SEPTIN6: variants seen among roughly 807,000 people sequenced by gnomAD.
SEPTIN6 encodes the protein septin 6.
In SEPTIN6, 8 loss-of-function variants were observed where a neutral mutation model predicts 33.6. The ratio of observed to expected loss-of-function variants is 0.24; its 90% CI spans 0.14 to 0.43. SEPTIN6 has a LOEUF of 0.43. Ranked by LOEUF, SEPTIN6 falls within the 20% of genes least tolerant of loss-of-function variation. SEPTIN6 has a pLI of 1.00. For synonymous variants in SEPTIN6, 131 were observed against 140.0 expected (o/e 0.94, Z 0.45); for missense variants, 250 against 340.8 (o/e 0.73, Z 2.10).
rs1002698073 is a variant in SEPTIN6, at chrX:119,649,879, A to T, written c.690+58T>A. On this transcript the variant is annotated intron_variant, in intron 5 of 10. Coordinates refer to ENST00000394610, the MANE Select transcript of SEPTIN6 (RefSeq NM_145799.4). ...GAGCAAGACCCTGTCTCTAAAGCACATTAAAATAATGATAATCATCATAAA... is the reference window on the plus strand; with the variant it reads ...GAGCAAGACCCTGTCTCTAAAGCACTTTAAAATAATGATAATCATCATAAA... 3.5e-6 allele frequency: 4 copies of T among 1,129,991 alleles called. No homozygotes were observed. The Admixed American group carries it at 8.8e-5, about 25-fold the overall frequency. The allele number at this position is 1,129,991 out of a possible 1,213,427, so 93.1% of individuals were successfully genotyped here.
intron 1 of SEPTIN6, among the ~76,000 whole-genome samples, chrX:119,688,733 G>T (rs1198053689): frequency 5.7e-5 from 6 of 104,537 alleles, no homozygotes; most frequent in African/African-American, 2.1e-4. Flanking sequence ...AAAAGGAAAA[G>T]AAGAAAAGAA....
At chrX:119,651,502 G>A (rs767576507) in intron 4 of SEPTIN6, among the ~76,000 whole-genome samples, 49 of 111,101 alleles carry the variant, frequency 4.4e-4, no homozygotes, top group Admixed American at 1.8e-3. Flanking sequence ...GTGAAACCCC[G>A]TCTCTACTAA....
Position 119,633,384 on chromosome X carries a change from C to T in SEPTIN6, c.1065G>A (p.Ala355=), listed in dbSNP as rs375325267. Residue 355 remains alanine (A), a synonymous_variant, in exon 8 of 11, where the codon GCG becomes GCA. Coordinates refer to ENST00000394610, the MANE Select transcript of SEPTIN6 (RefSeq NM_145799.4). ...MFVQRVKEKE[A]ELKEAEKELH... is the part of the protein sequence containing the mutation. ...CCTCTTTCTCTGCCTCTTTGAGCTCCGCTTCTTTCTCTTTGACTCGCTGGA... is the reference window on the plus strand; with the variant it reads ...CCTCTTTCTCTGCCTCTTTGAGCTCTGCTTCTTTCTCTTTGACTCGCTGGA... The T allele has an allele frequency of 9.5e-5, 115 of 1,208,119 alleles. No homozygotes were observed. The highest frequency in any genetic ancestry group is 1.2e-4 in the Non-Finnish European group (104 of 894,358).
Position 119,617,031 on chromosome X carries a change from A to C in SEPTIN6, c.*3062T>G. 1.1e-6 allele frequency: 1 copy of C among 916,999 alleles called. No homozygotes were observed. Among genetic ancestry groups the C allele is most frequent in the Non-Finnish European group, 1.4e-6 (1 of 735,931 alleles). The allele number at this position is 916,999 out of a possible 1,213,427, so 75.6% of individuals were successfully genotyped here. On this transcript the variant is annotated 3_prime_UTR_variant, in exon 11 of 11. Coordinates refer to ENST00000394610, the MANE Select transcript of SEPTIN6 (RefSeq NM_145799.4). ...ATGATTAAAACAAAAAAACAAAAAC[A>C]AGAGCCATCTACACTGCAGCTAGGG...
At chrX:119,667,950 T>C (rs2054672727) in intron 2 of SEPTIN6, among the ~76,000 whole-genome samples, 1 of 111,815 alleles carries the variant, frequency 8.9e-6, no homozygotes, top group South Asian at 3.7e-4. Flanking sequence ...CTGGAAACAA[T>C]AGTTTTAAAA....
intron 3 of SEPTIN6, among the ~76,000 whole-genome samples, chrX:119,654,390 T>C (rs1266853271): frequency 9.0e-6 from 1 of 111,516 alleles, no homozygotes; most frequent in Admixed American, 9.5e-5. Context: ...TCATCTCCCC[T>C]GTCTGTCTGC....
Position 119,675,651 on chromosome X carries a change from A to G in SEPTIN6, c.48T>C (p.Thr16=), listed in dbSNP as rs998049814. 8.8e-7 allele frequency: 1 copy of G among 1,132,117 alleles called. No homozygotes were observed. The highest frequency in any genetic ancestry group is 1.8e-5 in the African/African-American group (1 of 54,862). 93.3% of individuals were successfully genotyped at this position (1,132,117 alleles called of 1,213,427 possible). Residue 16 remains threonine, a synonymous_variant, in exon 2 of 11, where the codon ACT becomes ACC. Coordinates refer to ENST00000394610, the MANE Select transcript of SEPTIN6 (RefSeq NM_145799.4). ...ACCCCACATGTCCAGCCAGGGGGAC[A>G]GTTCGGCAACCTTCACCCTAATTTG... The part of the protein sequence containing the change: ...IARQVGEGCR[T]VPLAGHVGFD...
In SEPTIN6 at chrX:119,656,366, C is replaced by T. The variant is rs987299768; in HGVS notation, c.342-3326G>A. On this transcript the variant is annotated intron_variant, in intron 3 of 10. Coordinates refer to ENST00000394610, the MANE Select transcript of SEPTIN6 (RefSeq NM_145799.4). The stretch of plus-strand genomic sequence containing the variant: ...TTCTCTAAGGGTGTGACATTTGAGC[C>T]GCAAGGATGAGGATGACAGAGCCAT... Among the ~76,000 whole-genome samples the T allele has an allele frequency of 2.7e-5, 3 of 111,984 alleles. No individual in the cohort carries two copies. In the East Asian group the frequency reaches 8.4e-4, roughly 31 times the overall value.
intron 5 of SEPTIN6, among the ~76,000 whole-genome samples, chrX:119,643,598 G>C (rs11798665): frequency 0.043 from 4,831 of 111,068 alleles, 81 homozygotes; most frequent in South Asian, 0.066. Context: ...TGCAGCTGGC[G>C]TCAGTCTGCT....
rs184055323 is a variant in SEPTIN6 at position 119,680,407 on chromosome X, C to T, written c.31-4739G>A. Among the ~76,000 whole-genome samples the T allele has an allele frequency of 4.0e-4, 43 of 107,481 alleles. No individual in the cohort carries two copies. The East Asian group carries it at 0.012, about 29-fold the overall frequency. 93.3% of individuals were successfully genotyped at this position (107,481 alleles called of 115,157 possible). A position where few individuals can be genotyped will look rare whatever the true frequency, so the allele number is the denominator to read the frequency against. Reference sequence around the variant, plus strand: ...TATTTTTAGTAGAGACGGGGTTTCACCTTGTTGGCCAGGCTGGTCTTGAAC... The same window carrying T: ...TATTTTTAGTAGAGACGGGGTTTCATCTTGTTGGCCAGGCTGGTCTTGAAC... On this transcript the variant is annotated intron_variant, in intron 1 of 10. Coordinates refer to ENST00000394610, the MANE Select transcript of SEPTIN6 (RefSeq NM_145799.4).
At chrX:119,624,930 C>T (rs2053836556) in intron 10 of SEPTIN6, among the ~76,000 whole-genome samples, 1 of 111,191 alleles carries the variant, frequency 9.0e-6, no homozygotes, top group African/African-American at 3.3e-5. Context: ...AGGATGGTCT[C>T]AATCTTCTGA....
intron 1 of SEPTIN6, among the ~76,000 whole-genome samples, chrX:119,690,787 C>G: frequency 9.4e-6 from 1 of 106,592 alleles, no homozygotes; most frequent in Non-Finnish European, 1.9e-5. Flanking sequence ...ATTCTCTAGT[C>G]TTCTGTTCCC....
intron 6 of SEPTIN6, among the ~76,000 whole-genome samples, chrX:119,640,168 C>CTTTTTTTTTTTTTTT (rs57021804): frequency 3.5e-4 from 7 of 20,173 alleles, no homozygotes; most frequent in African/African-American, 4.7e-4. Flanking sequence ...ACTATCCAGT[C>CTTTTTTTTTTTTTTT]TTTTTTTTTT....
At chrX:119,665,292 T>TG (rs1478354422) in intron 2 of SEPTIN6, among the ~76,000 whole-genome samples, 1 of 109,870 alleles carries the variant, frequency 9.1e-6, no homozygotes, top group African/African-American at 3.3e-5. Context: ...TCAGTAGAGA[T>TG]GGGGTTTCAC....
rs188227604 is a variant in SEPTIN6, at chrX:119,647,963, T to A, written c.690+1974A>T. On this transcript the variant is annotated intron_variant, in intron 5 of 10. Transcript: ENST00000394610. ...CCACCGCGCCCGGCCACTAGTTAAT[T>A]TTTTTTAAATTTCAGTAGAGATGAG... Among the ~76,000 whole-genome samples the A allele has an allele frequency of 2.5e-4, 27 of 106,333 alleles. 1 individual carries two copies. The Admixed American group carries it at 2.6e-3, about 10-fold the overall frequency. The allele number at this position is 106,333 out of a possible 115,157, so 92.3% of individuals were successfully genotyped here.
intron 2 of SEPTIN6, among the ~76,000 whole-genome samples, chrX:119,669,451 C>T (rs926983778): frequency 1.8e-5 from 2 of 112,169 alleles, no homozygotes; most frequent in African/African-American, 3.2e-5. Flanking sequence ...CCAGGAACTC[C>T]GGTTGGCTAA....
chrX:119,657,218 C>CAA (rs371794037), intron 3 of SEPTIN6, among the ~76,000 whole-genome samples: 3 of 65,556 alleles, frequency 4.6e-5, no homozygotes, highest in Admixed American at 1.8e-4. Context: ...GATTCCGTCT[C>CAA]AAAAAAAAAA....
chrX:119,618,983 T>C lies in SEPTIN6; in HGVS notation c.*1110A>G, dbSNP rs2053706690. 2.0e-6 allele frequency: 2 copies of C among 977,752 alleles called. No homozygotes were observed. The highest frequency in any genetic ancestry group is 2.6e-6 in the Non-Finnish European group (2 of 774,628). The allele number at this position is 977,752 out of a possible 1,213,427, so 80.6% of individuals were successfully genotyped here. On this transcript the variant is annotated 3_prime_UTR_variant, in exon 11 of 11. Coordinates refer to ENST00000394610, the MANE Select transcript of SEPTIN6 (RefSeq NM_145799.4). ...ATGATAAAAACTTAGGGCTGGAATATTTTTAAACTCTCAACTCCTTAAATT... is the reference window on the plus strand; with the variant it reads ...ATGATAAAAACTTAGGGCTGGAATACTTTTAAACTCTCAACTCCTTAAATT...
At chrX:119,680,277 G>A (rs898881612) in intron 1 of SEPTIN6, among the ~76,000 whole-genome samples, 11 of 108,270 alleles carry the variant, frequency 1.0e-4, no homozygotes, top group Admixed American at 8.0e-4. Flanking sequence ...CCAGGCTGGA[G>A]TGCAGTGGCA....
Sources: allele counts gnomAD v4.1 joint callset (sites outside exome capture counted in the v4.1 genomes callset), GRCh38; gene constraint gnomAD v4.1.1; transcripts MANE v1.5; gene names NCBI Gene and HGNC (gene_info 2026-07-23, HGNC 2026-07-21).